The following CABCOCO1 variants were observed in gnomAD, a reference collection of about 807,000 sequenced individuals.
CABCOCO1 encodes the protein ciliary associated calcium binding coiled-coil 1.
In CABCOCO1, 28 loss-of-function variants were observed where a neutral mutation model predicts 35.7. That is an observed-to-expected ratio of 0.78 (90% CI 0.58 to 1.07). CABCOCO1 has a LOEUF of 1.07. Among genes scored for constraint, CABCOCO1 ranks in the 50% least tolerant of loss-of-function variants. The probability of loss-of-function intolerance (pLI) is 0.00; values close to 1 mark genes in which losing one functional copy is unlikely to be tolerated. For missense variants in CABCOCO1, 326 were observed against 309.2 expected, an observed-to-expected ratio of 1.05 and a Z score of -0.41; for synonymous variants, 95 against 100.1, an observed-to-expected ratio of 0.95 and a Z score of 0.30.
intron 1 of CABCOCO1, among the ~76,000 whole-genome samples, chr10:61,667,248 T>C (rs1564527515): frequency 6.7e-6 from 1 of 149,026 alleles, no homozygotes. Context: ...AAATTTTGTA[T>C]ATGCATACAT....
intron 5 of CABCOCO1, among the ~76,000 whole-genome samples, chr10:61,758,274 T>C (rs909798503): frequency 6.6e-6 from 1 of 152,070 alleles, no homozygotes; most frequent in African/African-American, 2.4e-5. Context: ...TTATTTTACC[T>C]ATAATGTTTC....
chr10:61,766,093 C>A lies in CABCOCO1; in HGVS notation c.*80C>A, dbSNP rs1589161744. The stretch of plus-strand genomic sequence containing the variant: ...CAGAATAACAGACTCTCTGGAGCGT[C>A]GTGTCTCCATCACTTAGTTGTGAAA... On this transcript the variant is annotated 3_prime_UTR_variant, in exon 8 of 8. Coordinates refer to ENST00000648843, the MANE Select transcript of CABCOCO1 (RefSeq NM_001366906.2). 3.9e-6 allele frequency: 5 copies of A among 1,275,562 alleles called. No homozygotes were observed. In the East Asian group the frequency reaches 9.4e-5, roughly 24 times the overall value. 79.0% of individuals were successfully genotyped at this position (1,275,562 alleles called of 1,614,324 possible).
intron 6 of CABCOCO1, among the ~76,000 whole-genome samples, chr10:61,760,425 C>G (rs1841985929): frequency 6.6e-6 from 1 of 152,052 alleles, no homozygotes; most frequent in Non-Finnish European, 1.5e-5. Context: ...ACATTGGTAC[C>G]ATGAGTTGAT....
intron 5 of CABCOCO1, among the ~76,000 whole-genome samples, chr10:61,709,467 T>G (rs1298465366): frequency 6.6e-6 from 1 of 152,104 alleles, no homozygotes; most frequent in Non-Finnish European, 1.5e-5. Context: ...TTGGATTTTT[T>G]TTTAGCTTTA....
chr10:61,669,020 G>GAA (rs200867627), intron 1 of CABCOCO1, among the ~76,000 whole-genome samples: 14 of 102,506 alleles, frequency 1.4e-4, no homozygotes, highest in Admixed American at 2.6e-4. Flanking sequence ...AAGGGTTGGG[G>GAA]AAAAAAAAAA....
intron 5 of CABCOCO1, among the ~76,000 whole-genome samples, chr10:61,713,937 C>T (rs574546026): frequency 1.3e-5 from 2 of 151,900 alleles, no homozygotes; most frequent in African/African-American, 2.4e-5. Flanking sequence ...GATTTTGCAT[C>T]GATGTTCATC....
At chr10:61,701,198 T>A (rs1428865683) in intron 5 of CABCOCO1, among the ~76,000 whole-genome samples, 1 of 152,150 alleles carries the variant, frequency 6.6e-6, no homozygotes, top group Non-Finnish European at 1.5e-5. Context: ...TTCTCATTTT[T>A]AAAAAGTAAC....
intron 5 of CABCOCO1, among the ~76,000 whole-genome samples, chr10:61,694,324 T>A (rs939833005): frequency 4.1e-5 from 6 of 148,008 alleles, no homozygotes; most frequent in African/African-American, 1.5e-4. Flanking sequence ...TCATAGTTCG[T>A]TTTAATACTT....
chr10:61,737,245 A>C (rs2083993), intron 5 of CABCOCO1, among the ~76,000 whole-genome samples: 7,935 of 152,222 alleles, frequency 0.052, 738 homozygotes, highest in African/African-American at 0.18. Context: ...CAAAACCACA[A>C]TGAGATAGCG....
intron 5 of CABCOCO1, among the ~76,000 whole-genome samples, chr10:61,707,358 A>G (rs1009031330): frequency 6.6e-6 from 1 of 152,178 alleles, no homozygotes; most frequent in Non-Finnish European, 1.5e-5. Flanking sequence ...CATACAGTCA[A>G]TTAGGTTGTT....
intron 5 of CABCOCO1, among the ~76,000 whole-genome samples, chr10:61,715,206 T>C (rs1589137103): frequency 1.3e-5 from 2 of 152,192 alleles, no homozygotes; most frequent in Non-Finnish European, 2.9e-5. Flanking sequence ...CTGTATTGGG[T>C]GCATATATAT....
At chr10:61,671,727 C>G (rs1409971462) in intron 1 of CABCOCO1, among the ~76,000 whole-genome samples, 1 of 151,306 alleles carries the variant, frequency 6.6e-6, no homozygotes, top group Non-Finnish European at 1.5e-5. Flanking sequence ...TTGTTTAACT[C>G]TTCCTCTGCT....
Position 61,681,297 on chromosome 10 carries a change from C to T in CABCOCO1, c.319C>T (p.Leu107Phe), listed in dbSNP as rs573495799. The change falls in exon 3 of 8, where the codon CTT becomes TTT. Residue 107 changes from leucine (L) to phenylalanine (F), a missense_variant. Coordinates refer to ENST00000648843, the MANE Select transcript of CABCOCO1 (RefSeq NM_001366906.2). Reference protein sequence around the residue: ...SKFMTLLAMSLQNLKTLHMSL... With the variant: ...SKFMTLLAMSFQNLKTLHMSL... ...ATTTATGACTTTACTAGCTATGTCA[C>T]TTCAAAATCTTAAAAGTAAGTACAC... 5.8e-6 allele frequency: 9 copies of T among 1,545,656 alleles called. No individual in the cohort carries two copies. In the East Asian group the frequency reaches 1.2e-4, roughly 20 times the overall value.
At chr10:61,746,964 G>A (rs968840886) in intron 5 of CABCOCO1, among the ~76,000 whole-genome samples, 1 of 152,042 alleles carries the variant, frequency 6.6e-6, no homozygotes, top group African/African-American at 2.4e-5. Flanking sequence ...TTTCTGATAA[G>A]GTAATCTTTA....
intron 5 of CABCOCO1, among the ~76,000 whole-genome samples, chr10:61,744,371 T>C (rs1173704189): frequency 1.3e-5 from 2 of 152,148 alleles, no homozygotes; most frequent in African/African-American, 4.8e-5. Context: ...TGCAGTGAAA[T>C]TGTTCATATT....
At chr10:61,673,609 G>A (rs1318713118) in intron 2 of CABCOCO1, among the ~76,000 whole-genome samples, 1 of 152,202 alleles carries the variant, frequency 6.6e-6, no homozygotes, top group Non-Finnish European at 1.5e-5. Context: ...TACTGAGAAG[G>A]GAATATGACA....
intron 5 of CABCOCO1, among the ~76,000 whole-genome samples, chr10:61,695,533 A>G (rs1218189816): frequency 6.6e-6 from 1 of 152,112 alleles, no homozygotes; most frequent in African/African-American, 2.4e-5. Context: ...CAAACATATT[A>G]CTTGAACCCA....
intron 2 of CABCOCO1, among the ~76,000 whole-genome samples, chr10:61,674,930 A>T (rs1199549091): frequency 2.0e-5 from 3 of 152,168 alleles, no homozygotes; most frequent in African/African-American, 7.2e-5. Context: ...CTATATAAAC[A>T]CAAAAATAAC....
At chr10:61,729,834 A>G (rs971743209) in intron 5 of CABCOCO1, among the ~76,000 whole-genome samples, 1 of 152,154 alleles carries the variant, frequency 6.6e-6, no homozygotes, top group South Asian at 2.1e-4. Context: ...CCTTGAGGAC[A>G]TCGTGCTAAG....
Sources: gnomAD v4.1 joint callset for allele counts (sites outside exome capture counted in the v4.1 genomes callset) on GRCh38, gnomAD v4.1.1 for gene constraint, MANE v1.5 for transcripts, NCBI Gene and HGNC (gene_info 2026-07-23, HGNC 2026-07-21) for gene names.